The following KLHL12 variants were observed in gnomAD, a reference collection of about 807,000 sequenced individuals.
KLHL12 encodes the protein kelch-like protein 12.
A neutral mutation model predicts 60.8 loss-of-function variants in KLHL12; 17 were observed. That is an observed-to-expected ratio of 0.28 (90% CI 0.19 to 0.42). The LOEUF is 0.42. Among genes scored for constraint, KLHL12 ranks in the 10% least tolerant of loss-of-function variants. The pLI is 1.00. For synonymous variants in KLHL12, 220 were observed against 250.9 expected (o/e 0.88, Z 1.16); for missense variants, 468 against 722.3 (o/e 0.65, Z 4.04).
At chr1:202,920,040 G>A (rs554529231) in intron 2 of KLHL12, 132 bp from the exon 3 acceptor site, 57 of 825,994 alleles carry the variant, frequency 6.9e-5, no homozygotes, top group Admixed American at 3.1e-4. Context: ...CAGGCCAGGC[G>A]TGGTGGCTCA....
At chr1:202,906,550 A>G (rs1660197547) in intron 6 of KLHL12, among the ~76,000 whole-genome samples, 1 of 151,862 alleles carries the variant, frequency 6.6e-6, no homozygotes, top group East Asian at 1.9e-4. Context: ...CAGTCTTGTT[A>G]AGACAAAAAG....
chr1:202,927,519 CAAAAAA>C (rs869139683), upstream of KLHL12, among the ~76,000 whole-genome samples: 3 of 52,814 alleles, frequency 5.7e-5, no homozygotes, highest in Non-Finnish European at 6.5e-5. Flanking sequence ...CCCGTTTCTA[CAAAAAA>C]AAAAAAAAAA....
At chr1:202,912,667 G>T in intron 4 of KLHL12, 1 of 1,297,606 alleles carries the variant, frequency 7.7e-7, no homozygotes, top group South Asian at 1.2e-5. Context: ...GCCAAACCAC[G>T]AAACCAAGGT....
Position 202,895,221 on chromosome 1 carries a change from A to G in KLHL12, c.1135+301T>C, listed in dbSNP as rs6427977. Among the ~76,000 whole-genome samples the G allele has an allele frequency of 0.79, 119,319 of 151,918 alleles. 47,973 individuals carry two copies. Among genetic ancestry groups the G allele is most frequent in the East Asian group, 0.89 (4,620 of 5,170 alleles). On this transcript the variant is annotated intron_variant, in intron 8 of 11. Transcript: ENST00000367261. This position sits in a 1 kb window ranked among gnomAD's most constrained non-coding sequence, Gnocchi z 4.2. ...AGCCTGGGCAACATGGCGAAACCCC[A>G]TCTCTACTAAAAATACAAAAATATA...
At chr1:202,901,540 G>A (rs1454378602) in intron 6 of KLHL12, among the ~76,000 whole-genome samples, 3 of 151,316 alleles carry the variant, frequency 2.0e-5, no homozygotes, top group Non-Finnish European at 4.4e-5. Context: ...GAACTCAAGC[G>A]ATGCTTCTGC....
chr1:202,927,502 G>A (rs1443485796), upstream of KLHL12, among the ~76,000 whole-genome samples: 1 of 74,946 alleles, frequency 1.3e-5, no homozygotes, highest in Admixed American at 1.8e-4. Flanking sequence ...GGGGATCACG[G>A]CAAAACCCCG....
At position 202,895,608 on chromosome 1, in the gene KLHL12, T is replaced by A; in HGVS notation, c.1049A>T (p.Asp350Val). ...GACCCCATCCTCATCTGCTGTGTAGTCTAGACATTCCACTGAACTAAGGCG... is the reference window on the plus strand; with the variant it reads ...GACCCCATCCTCATCTGCTGTGTAGACTAGACATTCCACTGAACTAAGGCG... ...RSRLSSVECLDYTADEDGVWY... is the reference protein window; with the variant it reads ...RSRLSSVECLVYTADEDGVWY... Residue 350 changes from aspartate to valine, a missense_variant, in exon 8 of 12, where the codon GAC (aspartate) becomes GTC (valine). Asp to Val is a radical substitution (Grantham distance 152). Transcript: ENST00000367261. This position sits in a 1 kb window ranked among gnomAD's most constrained non-coding sequence, Gnocchi z 4.2. 1.9e-6 allele frequency: 3 copies of A among 1,614,044 alleles called. No individual in the cohort carries two copies. Among genetic ancestry groups the A allele is most frequent in the Non-Finnish European group, 2.5e-6 (3 of 1,180,000 alleles).
chr1:202,895,491 T>C lies in KLHL12; in HGVS notation c.1135+31A>G. ...AAACCCTGGTCCAGCCACAGTAAGA[T>C]GGAAATAATTGCCCTGCACATCCAG... is the stretch of plus-strand genomic sequence containing the variant. On this transcript the variant is annotated intron_variant, in intron 8 of 11. Coordinates refer to ENST00000367261, the MANE Select transcript of KLHL12 (RefSeq NM_021633.4). This position sits in a 1 kb window ranked among gnomAD's most constrained non-coding sequence, Gnocchi z 4.2. 1 of 1,593,494 alleles carries C rather than the reference T, an allele frequency of 6.3e-7. No individual in the cohort carries two copies.
intron 4 of KLHL12, chr1:202,911,735 T>G (rs1243306081): frequency 4.8e-6 from 3 of 626,886 alleles, no homozygotes; most frequent in Admixed American, 2.4e-5. Flanking sequence ...TGTTGCAGTT[T>G]TCAAAAGCAT....
chr1:202,916,397 T>C (rs967803015), intron 4 of KLHL12, among the ~76,000 whole-genome samples: 10 of 152,370 alleles, frequency 6.6e-5, no homozygotes, highest in African/African-American at 2.4e-4. Flanking sequence ...CTCACACTTA[T>C]AATCTCAGCA....
intron 4 of KLHL12, among the ~76,000 whole-genome samples, chr1:202,914,472 T>C (rs1257725011): frequency 1.3e-5 from 2 of 152,230 alleles, no homozygotes; most frequent in African/African-American, 4.8e-5. Context: ...TTTAAGCAGA[T>C]ACATGATAGA....
chr1:202,901,205 T>C (rs2102416557), intron 6 of KLHL12, among the ~76,000 whole-genome samples: 1 of 152,326 alleles, frequency 6.6e-6, no homozygotes, highest in Middle Eastern at 3.4e-3. Flanking sequence ...ATAAACACTC[T>C]GGTAACTATA....
chr1:202,925,236 A>C (rs1377594106), intron 1 of KLHL12, 29 bp from the exon 2 acceptor site: 1 of 1,593,606 alleles, frequency 6.3e-7, no homozygotes, highest in Non-Finnish European at 8.5e-7. Flanking sequence ...AACAATGAGC[A>C]TATTCAAAGA....
intron 6 of KLHL12, among the ~76,000 whole-genome samples, chr1:202,906,844 T>C (rs989089750): frequency 3.3e-5 from 5 of 152,064 alleles, no homozygotes; most frequent in Admixed American, 6.6e-5. Flanking sequence ...GTATTTTTAG[T>C]AGACATGGGG....
chr1:202,916,146 A>T lies in KLHL12; in HGVS notation c.567+2025T>A, dbSNP rs1204223392. On this transcript the variant is annotated intron_variant, in intron 4 of 11. Coordinates refer to ENST00000367261, the MANE Select transcript of KLHL12 (RefSeq NM_021633.4). ...TCAGCACAAGGATACAATGTCCTAC[A>T]CTAAGAGGCTGAGAACTAAGATTTT... is the stretch of plus-strand genomic sequence containing the variant. Among the ~76,000 whole-genome samples the T allele has an allele frequency of 2.6e-5, 4 of 152,236 alleles. No homozygotes were observed. In the East Asian group the frequency reaches 7.7e-4, roughly 29 times the overall value.
In KLHL12 at chr1:202,895,482, A is replaced by G; in HGVS notation, c.1135+40T>C. The G allele has an allele frequency of 6.4e-7, 1 of 1,570,408 alleles. No homozygotes were observed. Among genetic ancestry groups the G allele is most frequent in the Non-Finnish European group, 8.7e-7 (1 of 1,151,532 alleles). ...AGAGGTTAAAAACCCTGGTCCAGCC[A>G]CAGTAAGATGGAAATAATTGCCCTG... On this transcript the variant is annotated intron_variant, in intron 8 of 11. Transcript: ENST00000367261. This position sits in a 1 kb window ranked among gnomAD's most constrained non-coding sequence, Gnocchi z 4.2.
In KLHL12 at chr1:202,894,684, G is replaced by A. The variant is rs2102406263; in HGVS notation, c.1201C>T (p.Pro401Ser). 1.9e-6 allele frequency: 3 copies of A among 1,614,032 alleles called. No homozygotes were observed. The highest frequency in any genetic ancestry group is 2.5e-6 in the Non-Finnish European group (3 of 1,179,952). Residue 401 changes from proline to serine, a missense_variant, in exon 9 of 12, where the codon CCA becomes TCA. Pro to Ser is a moderately conservative substitution (Grantham distance 74). Around this residue, in one of 4 missense-constraint regions of KLHL12, gnomAD observed 339 missense variants for 525.0 expected, o/e 0.65. Transcript: ENST00000367261. Reference protein sequence around the residue: ...RRHTSMERYDPNIDQWSMLGD... With the variant: ...RRHTSMERYDSNIDQWSMLGD... ...AGCATGCTCCACTGGTCAATGTTTG[G>A]ATCATAGCGCTCCATACTGGTGTGA...
At position 202,918,593 on chromosome 1, in the gene KLHL12, C is replaced by A. The variant is rs146048593; in HGVS notation, c.350-205G>T. 2.0e-5 allele frequency among the ~76,000 whole-genome samples: 3 copies of A among 152,354 alleles called. No homozygotes were observed. In the East Asian group the frequency reaches 5.8e-4, roughly 29 times the overall value. On this transcript the variant is annotated intron_variant, in intron 3 of 11. Coordinates refer to ENST00000367261, the MANE Select transcript of KLHL12 (RefSeq NM_021633.4). ...TGTGCCACTTTCAGCAAGACCTTTA[C>A]ACCTGTCTCTGCTTAATCTTTAAAA...
chr1:202,920,715 T>C (rs1273645605), intron 2 of KLHL12, among the ~76,000 whole-genome samples: 1 of 152,112 alleles, frequency 6.6e-6, no homozygotes, highest in African/African-American at 2.4e-5. Flanking sequence ...TGGCACATTA[T>C]CTGTAGCTTT....
Sources: allele counts gnomAD v4.1 joint callset (sites outside exome capture counted in the v4.1 genomes callset), GRCh38; gene constraint gnomAD v4.1.1; regional missense constraint gnomAD v4.1.1; non-coding constraint Gnocchi (gnomAD v3.1); transcripts MANE v1.5; gene names NCBI Gene and HGNC (gene_info 2026-07-23, HGNC 2026-07-21).